DAPK1: variants seen among roughly 807,000 people sequenced by gnomAD.
DAPK1 encodes the protein death associated protein kinase 1.
A neutral mutation model predicts 144.9 loss-of-function variants in DAPK1; 56 were observed. The ratio of observed to expected loss-of-function variants is 0.39; its 90% CI spans 0.31 to 0.48. The LOEUF (loss-of-function observed/expected upper bound fraction) is 0.48, where lower values mean the gene tolerates loss of function less well. Ranked by LOEUF, DAPK1 falls within the 20% of genes least tolerant of loss-of-function variation. The pLI is 0.95. For synonymous variants in DAPK1, 690 were observed against 749.0 expected (o/e 0.92, Z 1.29); for missense variants, 1,454 against 1,875.4 (o/e 0.78, Z 4.15).
At chr9:87,506,720 A>G (rs141460504) in intron 2 of DAPK1, 17 of 152,342 alleles carry the variant, frequency 1.1e-4, no homozygotes, top group African/African-American at 4.1e-4. Flanking sequence ...AATGGAATGC[A>G]TCCTTTCTCG....
At chr9:87,531,861 A>G (rs1825710020) in intron 2 of DAPK1, among the ~76,000 whole-genome samples, 1 of 152,208 alleles carries the variant, frequency 6.6e-6, no homozygotes, top group Admixed American at 6.5e-5. Context: ...AGAAATCCCC[A>G]GGGGCCTCCT....
intron 2 of DAPK1, among the ~76,000 whole-genome samples, chr9:87,515,593 A>G (rs917694661): frequency 2.0e-5 from 3 of 152,170 alleles, no homozygotes; most frequent in Non-Finnish European, 4.4e-5. Flanking sequence ...CAGCTGTCCA[A>G]TAGCAGAGCA....
intron 18 of DAPK1, among the ~76,000 whole-genome samples, chr9:87,662,530 C>G (rs1246906920): frequency 1.0e-5 from 1 of 95,956 alleles, no homozygotes; most frequent in Non-Finnish European, 2.1e-5. Flanking sequence ...TTGTAGAGAT[C>G]TTTCACCTCC....
rs567776428 is a variant in DAPK1 at position 87,675,165 on chromosome 9, C to T, written c.2002-6239C>T. ...GTCTGTGCCTGGTGTTCCTACATGG[C>T]AGAGTTGAGTTGCCACAGAGACCAT... On this transcript the variant is annotated intron_variant, in intron 19 of 25. Transcript: ENST00000408954. Among the ~76,000 whole-genome samples the T allele has an allele frequency of 1.5e-3, 232 of 152,246 alleles. 1 individual carries two copies. Among genetic ancestry groups the T allele is most frequent in the Non-Finnish European group, 2.5e-3 (171 of 68,034 alleles).
At chr9:87,683,088 T>TTTTTA (rs1824701702) in intron 20 of DAPK1, among the ~76,000 whole-genome samples, 1 of 147,320 alleles carries the variant, frequency 6.8e-6, no homozygotes. Context: ...TTTATTTATT[T>TTTTTA]TTTTTTTTTT....
chr9:87,530,941 A>AG (rs1825676812), intron 2 of DAPK1, among the ~76,000 whole-genome samples: 1 of 152,086 alleles, frequency 6.6e-6, no homozygotes, highest in African/African-American at 2.4e-5. Context: ...TTCCTTTCCC[A>AG]GGGGGATGGA....
At chr9:87,611,573 T>C (rs1828931379) in intron 3 of DAPK1, among the ~76,000 whole-genome samples, 1 of 152,286 alleles carries the variant, frequency 6.6e-6, no homozygotes, top group Non-Finnish European at 1.5e-5. Context: ...ATTCTCCCAC[T>C]TCTGCCTCCT....
In DAPK1 at chr9:87,643,365, TTA is replaced by T. The variant is rs1554695957; in HGVS notation, c.919-10_919-9del. 4.9e-5 allele frequency: 72 copies of T among 1,479,088 alleles called. No homozygotes were observed. In the East Asian group the frequency reaches 8.6e-4, roughly 18 times the overall value. The allele number at this position is 1,479,088 out of a possible 1,614,324, so 91.6% of individuals were successfully genotyped here. On this transcript the variant is annotated splice_polypyrimidine_tract_variant and intron_variant, in intron 10 of 25. Coordinates refer to ENST00000408954, the MANE Select transcript of DAPK1 (RefSeq NM_004938.4). ...GCCCTCCCTTTTTTTTTTTTTTTTT[TTA>T]AAAAAAAGCAATCCGTTCGCTTGAT...
At chr9:87,642,823 C>T (rs1196813336) in intron 10 of DAPK1, among the ~76,000 whole-genome samples, 3 of 152,218 alleles carry the variant, frequency 2.0e-5, no homozygotes, top group Non-Finnish European at 2.9e-5. Context: ...GCAACCATTT[C>T]TCTTTCTCGC....
chr9:87,693,648 T>G (rs559624490), intron 21 of DAPK1, among the ~76,000 whole-genome samples: 2 of 152,198 alleles, frequency 1.3e-5, no homozygotes, highest in African/African-American at 4.8e-5. Context: ...GTTTCTTGTG[T>G]CCTTACATTG....
Position 87,632,579 on chromosome 9 carries a change from G to T in DAPK1, c.285-5364G>T, listed in dbSNP as rs1054767965. 15 of 971,060 alleles carry T rather than the reference G, an allele frequency of 1.5e-5. No individual in the cohort carries two copies. In the African/African-American group the frequency reaches 2.3e-4, roughly 15 times the overall value. 60.2% of individuals were successfully genotyped at this position (971,060 alleles called of 1,614,324 possible). A position where few individuals can be genotyped will look rare whatever the true frequency, so the allele number is the denominator to read the frequency against. ...ATGAAGGAGGATGAGTATACATGTA[G>T]GGATGAAGGAGGATGAGTATGTATA... On this transcript the variant is annotated intron_variant, in intron 3 of 25. Coordinates refer to ENST00000408954, the MANE Select transcript of DAPK1 (RefSeq NM_004938.4).
At chr9:87,503,073 T>G (rs1291279690) in intron 2 of DAPK1, among the ~76,000 whole-genome samples, 1 of 152,108 alleles carries the variant, frequency 6.6e-6, no homozygotes, top group Non-Finnish European at 1.5e-5. Context: ...GAATGCTCAT[T>G]TGGAAAGTGG....
At chr9:87,681,847 T>C in intron 20 of DAPK1, 1 of 581,642 alleles carries the variant, frequency 1.7e-6, no homozygotes, top group South Asian at 2.0e-5. Context: ...AACAAGGGCC[T>C]CACTGAAATC....
intron 2 of DAPK1, among the ~76,000 whole-genome samples, chr9:87,562,461 C>T (rs1826965030): frequency 6.6e-6 from 1 of 152,180 alleles, no homozygotes; most frequent in African/African-American, 2.4e-5. Flanking sequence ...AGCCCACTTT[C>T]ATTGGCCAGA....
At chr9:87,558,836 C>T (rs972178995) in intron 2 of DAPK1, among the ~76,000 whole-genome samples, 9 of 152,188 alleles carry the variant, frequency 5.9e-5, no homozygotes, top group Admixed American at 2.0e-4. Context: ...TCCCATGCTC[C>T]ATGTGGGCGG....
chr9:87,497,928 G>A lies in DAPK1; in HGVS notation c.-288G>A, dbSNP rs965130584. On this transcript the variant is annotated 5_prime_UTR_variant, in exon 1 of 26. Coordinates refer to ENST00000408954, the MANE Select transcript of DAPK1 (RefSeq NM_004938.4). ...ACGCCGGGGACTTTGTTCCCTCCGCGGAGGGGACTCGGCAACTCGCAGCGG... is the reference window on the plus strand; with the variant it reads ...ACGCCGGGGACTTTGTTCCCTCCGCAGAGGGGACTCGGCAACTCGCAGCGG... 31 of 396,172 alleles carry A rather than the reference G, an allele frequency of 7.8e-5. No homozygotes were observed. Among genetic ancestry groups the A allele is most frequent in the Non-Finnish European group, 1.2e-4 (26 of 225,092 alleles). 24.5% of individuals were successfully genotyped at this position (396,172 alleles called of 1,614,324 possible).
intron 2 of DAPK1, among the ~76,000 whole-genome samples, chr9:87,577,744 G>A (rs928720169): frequency 1.3e-5 from 2 of 152,204 alleles, no homozygotes; most frequent in African/African-American, 2.4e-5. Flanking sequence ...GTTGCAGTGA[G>A]CTGAGATTGT....
chr9:87,549,556 TTC>T (rs1826395501), intron 2 of DAPK1, among the ~76,000 whole-genome samples: 1 of 152,226 alleles, frequency 6.6e-6, no homozygotes, highest in African/African-American at 2.4e-5. Flanking sequence ...CCAAACCTTA[TTC>T]TGTTTTAATT....
chr9:87,640,337 A>G lies in DAPK1; in HGVS notation c.669A>G (p.Gln223=). Residue 223 remains glutamine (Q), a synonymous_variant, in exon 8 of 26, where the codon CAA becomes CAG. Transcript: ENST00000408954. ...GASPFLGDTK[Q]ETLANVSAVN... is the part of the protein sequence containing the mutation. ...CCCCATTTCTTGGAGACACTAAGCA[A>G]GAAACGTTAGCAAATGTATCCGCTG... 1 of 1,614,268 alleles carries G rather than the reference A, an allele frequency of 6.2e-7. No homozygotes were observed. Among genetic ancestry groups the G allele is most frequent in the Non-Finnish European group, 8.5e-7 (1 of 1,180,036 alleles).
Sources: allele counts gnomAD v4.1 joint callset (sites outside exome capture counted in the v4.1 genomes callset), GRCh38; gene constraint gnomAD v4.1.1; transcripts MANE v1.5; gene names NCBI Gene and HGNC (gene_info 2026-07-23, HGNC 2026-07-21).